SLC26A6: variants seen among roughly 807,000 people sequenced by gnomAD.
SLC26A6 encodes solute carrier family 26 member 6, also known as anion exchange transporter.
A neutral mutation model predicts 87.1 loss-of-function variants in SLC26A6; 67 were observed. The observed-to-expected ratio is 0.77, with a 90% confidence interval of 0.63 to 0.94. The LOEUF (loss-of-function observed/expected upper bound fraction) is 0.94. Among genes scored for constraint, SLC26A6 ranks in the 40% least tolerant of loss-of-function variants. The probability of loss-of-function intolerance (pLI) is 0.00; values close to 1 mark genes in which losing one functional copy is unlikely to be tolerated. For missense variants in SLC26A6, 902 were observed against 973.0 expected (o/e 0.93, Z 0.97); for synonymous variants, 414 against 405.9 (o/e 1.02, Z -0.24).
In SLC26A6 at chr3:48,631,204, T is replaced by C; in HGVS notation, c.986+20A>G. Reference sequence around the variant, plus strand: ...CCTGGCTGCCCAACCCTCCCTGACCTGATGGAGGCCAGAGCTCACCCTGCA... The same window carrying C: ...CCTGGCTGCCCAACCCTCCCTGACCCGATGGAGGCCAGAGCTCACCCTGCA... On this transcript the variant is annotated intron_variant, in intron 8 of 20. Transcript: ENST00000395550. 6.2e-7 allele frequency: 1 copy of C among 1,611,744 alleles called. No homozygotes were observed. Among genetic ancestry groups the C allele is most frequent in the South Asian group, 1.1e-5 (1 of 90,918 alleles).
At position 48,628,808 on chromosome 3, in the gene SLC26A6, T is replaced by G; in HGVS notation, c.1600-94A>C. On this transcript the variant is annotated intron_variant, in intron 14 of 20. Coordinates refer to ENST00000395550, the MANE Select transcript of SLC26A6 (RefSeq NM_022911.3). The surrounding 1 kb of genome is among the most constrained non-coding windows in gnomAD (Gnocchi z 4.4). ...TTCCTTCCCTAGTGTGCCCAGTGCC[T>G]GCCACCGCCCAGCCCTCTGCTCCCC... The G allele has an allele frequency of 2.1e-6, 3 of 1,417,358 alleles. No homozygotes were observed. The highest frequency in any genetic ancestry group is 2.9e-6 in the Non-Finnish European group (3 of 1,028,130). The allele number at this position is 1,417,358 out of a possible 1,614,324, so 87.8% of individuals were successfully genotyped here.
chr3:48,627,018 G>A lies in SLC26A6; in HGVS notation c.1931C>T (p.Ala644Val). The change falls in exon 18 of 21, where the codon GCC becomes GTC. Residue 644 changes from alanine (A) to valine (V), a missense_variant. By Grantham distance (64) the Ala-to-Val change is moderately conservative. Around this residue, in one of 3 missense-constraint regions of SLC26A6, gnomAD observed 800 missense variants for 856.8 expected, o/e 0.93. Coordinates refer to ENST00000395550, the MANE Select transcript of SLC26A6 (RefSeq NM_022911.3). ...SSGDKMEDAT[A>V]NGQEDSKAPD... ...GGCCTTGGAGTCTTCTTGACCATTG[G>A]CTGTTGCATCTTCCATCTTATCTCC... 1 of 1,614,128 alleles carries A rather than the reference G, an allele frequency of 6.2e-7. No homozygotes were observed. The highest frequency in any genetic ancestry group is 1.7e-5 in the Admixed American group (1 of 60,010).
intron 14 of SLC26A6, 131 bp downstream of exon 14, chr3:48,629,511 G>C: frequency 1.0e-6 from 1 of 994,420 alleles, no homozygotes; most frequent in South Asian, 1.6e-5. Context: ...CTCCTCCCTT[G>C]AAATCCCAAA....
Position 48,631,040 on chromosome 3 carries a change from C to T in SLC26A6, c.1087G>A (p.Gly363Arg). 1 of 1,613,856 alleles carries T rather than the reference C, an allele frequency of 6.2e-7. No individual in the cohort carries two copies. Among genetic ancestry groups the T allele is most frequent in the East Asian group, 2.2e-5 (1 of 44,884 alleles). Residue 363 changes from glycine to arginine, a missense_variant, in exon 9 of 21, where the codon GGG becomes AGG. Gly to Arg is a moderately radical substitution (Grantham distance 125). Transcript: ENST00000395550. Reference sequence around the variant, plus strand: ...CCGTGCCTCAGGGCGAAGATCTTCCCCAGTGAGATGGCAATGGCAAACCCA... The same window carrying T: ...CCGTGCCTCAGGGCGAAGATCTTCCTCAGTGAGATGGCAATGGCAAACCCA... ...VVGFAIAISLGKIFALRHGYR... is the reference protein window; with the variant it reads ...VVGFAIAISLRKIFALRHGYR...
Position 48,631,877 on chromosome 3 carries a change from C to G in SLC26A6, c.750+3G>C. ...ACCCCTCCCTCCCCCTACCCTCACT[C>G]ACATAGATGAGGGACAGTGGCCCAG... On this transcript the variant is annotated splice_donor_region_variant and intron_variant, in intron 6 of 20. Coordinates refer to ENST00000395550, the MANE Select transcript of SLC26A6 (RefSeq NM_022911.3). 6.2e-7 allele frequency: 1 copy of G among 1,613,596 alleles called. No individual in the cohort carries two copies.
intron 9 of SLC26A6, 92 bp downstream of exon 9, chr3:48,630,901 C>A: frequency 1.3e-6 from 2 of 1,571,718 alleles, no homozygotes; most frequent in Non-Finnish European, 8.7e-7. Context: ...AGCACATCTG[C>A]TGTCTCCCTG....
Position 48,633,050 on chromosome 3 carries a change from G to T in SLC26A6, c.357C>A (p.Pro119=), listed in dbSNP as rs2276849. 2.5e-6 allele frequency: 4 copies of T among 1,613,414 alleles called. No homozygotes were observed. In the Admixed American group the frequency reaches 6.7e-5, roughly 27 times the overall value. ...LAYALLAGLP[P]VFGLYSSFYP... ...AGAAGGAGCTATAGAGGCCAAACAC[G>T]GGGGGCAATCCAGCCAGGAGGGCGT... The change falls in exon 4 of 21, where the codon CCC becomes CCA. Residue 119 remains proline (P), a synonymous_variant. Transcript: ENST00000395550.
At position 48,625,895 on chromosome 3, in the gene SLC26A6, G is replaced by A; in HGVS notation, c.*91C>T. 6.4e-7 allele frequency: 1 copy of A among 1,553,170 alleles called. No individual in the cohort carries two copies. Among genetic ancestry groups the A allele is most frequent in the Non-Finnish European group, 8.8e-7 (1 of 1,132,010 alleles). On this transcript the variant is annotated 3_prime_UTR_variant, in exon 21 of 21. Coordinates refer to ENST00000395550, the MANE Select transcript of SLC26A6 (RefSeq NM_022911.3). This position sits in a 1 kb window ranked among gnomAD's most constrained non-coding sequence, Gnocchi z 4.7. ...GTGTGTGTACATGGAGGGGACTCCT[G>A]GGTAGCACCTGGAGGCGGCCTAGGG...
At chr3:48,627,373 G>A (rs2046654626) in intron 17 of SLC26A6, 1 of 344,086 alleles carries the variant, frequency 2.9e-6, no homozygotes, top group African/African-American at 2.1e-5. Context: ...GAGCAGGCCA[G>A]AATAGACACG....
At position 48,631,955 on chromosome 3, in the gene SLC26A6, C is replaced by T. The variant is rs369221640; in HGVS notation, c.675G>A (p.Gln225=). 6 of 1,613,430 alleles carry T rather than the reference C, an allele frequency of 3.7e-6. No individual in the cohort carries two copies. Among genetic ancestry groups the T allele is most frequent in the Non-Finnish European group, 5.1e-6 (6 of 1,180,036 alleles). ...VRGYTTAAAV[Q]VFVSQLKYVF... Reference sequence around the variant, plus strand: ...CATACTTGAGCTGTGAGACGAAGACCTGCACAGCTGCAGCTGTGGTATAGC... The same window carrying T: ...CATACTTGAGCTGTGAGACGAAGACTTGCACAGCTGCAGCTGTGGTATAGC... Residue 225 remains glutamine, a synonymous_variant, in exon 6 of 21, where the codon CAG becomes CAA. Coordinates refer to ENST00000395550, the MANE Select transcript of SLC26A6 (RefSeq NM_022911.3).
At position 48,627,032 on chromosome 3, in the gene SLC26A6, C is replaced by CA. The variant is rs1450109782; in HGVS notation, c.1916dup (p.Met639IlefsTer57). On this transcript the variant is annotated frameshift_variant, in exon 18 of 21. Coordinates refer to ENST00000395550, the MANE Select transcript of SLC26A6 (RefSeq NM_022911.3). LOFTEE classifies it high-confidence loss of function. ...CTTGACCATTGGCTGTTGCATCTTCCATCTTATCTCCTGAGCTCACCTGCT... is the reference window on the plus strand; with the variant it reads ...CTTGACCATTGGCTGTTGCATCTTCCAATCTTATCTCCTGAGCTCACCTGCT... 2 of 1,613,952 alleles carry CA rather than the reference C, an allele frequency of 1.2e-6. No homozygotes were observed. The highest frequency in any genetic ancestry group is 2.7e-5 in the African/African-American group (2 of 75,056).
chr3:48,632,711 A>T (rs774947449), intron 4 of SLC26A6: 8 of 681,874 alleles, frequency 1.2e-5, no homozygotes, highest in Non-Finnish European at 2.1e-5. Flanking sequence ...TAGGCTGCTC[A>T]GGCCTCTGCC....
intron 10 of SLC26A6, 27 bp from the exon 11 acceptor site, chr3:48,630,542 A>G (rs770999221): frequency 1.3e-6 from 2 of 1,558,352 alleles, no homozygotes; most frequent in Non-Finnish European, 1.7e-6. Context: ...TGAGCAGGGG[A>G]GAGACCTCCT....
Position 48,628,752 on chromosome 3 carries a change from T to C in SLC26A6, c.1600-38A>G, listed in dbSNP as rs1385266870. ...CAGAACTGGTGGTGGCTGAATCTCC[T>C]CTCTCCTGGCTGCATCCTGTTCTCC... On this transcript the variant is annotated intron_variant, in intron 14 of 20. Coordinates refer to ENST00000395550, the MANE Select transcript of SLC26A6 (RefSeq NM_022911.3). The surrounding 1 kb of genome is among the most constrained non-coding windows in gnomAD (Gnocchi z 4.4). 6.3e-7 allele frequency: 1 copy of C among 1,599,348 alleles called. No individual in the cohort carries two copies. The highest frequency in any genetic ancestry group is 8.5e-7 in the Non-Finnish European group (1 of 1,172,140).
chr3:48,634,373 G>A (rs2046895279), intron 1 of SLC26A6: 2 of 152,196 alleles, frequency 1.3e-5, no homozygotes, highest in Admixed American at 6.5e-5. Context: ...TCACCTAGAG[G>A]GATCTCTGAC....
chr3:48,634,010 G>A (rs976419859), intron 1 of SLC26A6: 6 of 392,590 alleles, frequency 1.5e-5, no homozygotes, highest in East Asian at 9.5e-5. Context: ...CAGCTGCCCC[G>A]GGAGCCCACT....
At chr3:48,627,368 G>C in intron 17 of SLC26A6, 1 of 356,546 alleles carries the variant, frequency 2.8e-6, no homozygotes, top group Non-Finnish European at 5.1e-6. Context: ...CCCAGGAGCA[G>C]GCCAGAATAG....
intron 9 of SLC26A6, 105 bp downstream of exon 9, chr3:48,630,888 C>G: frequency 6.4e-7 from 1 of 1,561,232 alleles, no homozygotes. Flanking sequence ...CCCACGTGGC[C>G]TCAGCACATC....
Position 48,629,856 on chromosome 3 carries a change from A to G in SLC26A6, c.1529+16T>C. The G allele has an allele frequency of 6.2e-7, 1 of 1,614,106 alleles. No individual in the cohort carries two copies. The highest frequency in any genetic ancestry group is 8.5e-7 in the Non-Finnish European group (1 of 1,179,994). ...TCTCACTAGCTGGAATGAGGGGACC[A>G]ACATGGCGGACTCACATCTGTGTCC... On this transcript the variant is annotated intron_variant, in intron 13 of 20. Transcript: ENST00000395550.
Sources: gnomAD v4.1 joint callset for allele counts on GRCh38, gnomAD v4.1.1 for gene constraint, gnomAD v4.1.1 regional missense constraint, Gnocchi (gnomAD v3.1) non-coding constraint, MANE v1.5 for transcripts, NCBI Gene and HGNC (gene_info 2026-07-23, HGNC 2026-07-21) for gene names.